Variants in CSMD1 observed in about 807,000 individuals in gnomAD.
CSMD1 encodes CUB and Sushi multiple domains 1.
In CSMD1, 213 loss-of-function variants were observed where a neutral mutation model predicts 417.5. That is an observed-to-expected ratio of 0.51 (90% CI 0.46 to 0.57). CSMD1 has a LOEUF of 0.57. CSMD1 is among the 20% of genes least tolerant of loss of function. The pLI, the probability that CSMD1 is intolerant of heterozygous loss-of-function variation, is 0.00. For synonymous variants in CSMD1, 2,862 were observed against 1,736.8 expected, an observed-to-expected ratio of 1.65 and a Z score of -16.11; for missense variants, 6,923 against 4,529.7, an observed-to-expected ratio of 1.53 and a Z score of -15.17.
At chr8:3,253,350 T>G (rs1173975267) in intron 26 of CSMD1, among the ~76,000 whole-genome samples, 1 of 152,238 alleles carries the variant, frequency 6.6e-6, no homozygotes, top group Non-Finnish European at 1.5e-5. Flanking sequence ...TGAGTGAGTT[T>G]CTTATTTCTG....
chr8:4,467,532 C>T (rs73514628), intron 2 of CSMD1, among the ~76,000 whole-genome samples: 1,660 of 152,238 alleles, frequency 0.011, 28 homozygotes, highest in African/African-American at 0.038. Context: ...TTTTTCTTTA[C>T]TTAGCACATT....
intron 1 of CSMD1, among the ~76,000 whole-genome samples, chr8:4,807,676 G>A (rs1798669787): frequency 6.6e-6 from 1 of 152,114 alleles, no homozygotes. Context: ...ACATACATGT[G>A]TAGATACACT....
Position 4,732,462 on chromosome 8 carries a change from G to T in CSMD1, c.86-94904C>A, listed in dbSNP as rs1438392256. Among the ~76,000 whole-genome samples the T allele has an allele frequency of 2.6e-5, 4 of 151,628 alleles. No homozygotes were observed. The East Asian group carries it at 5.9e-4, about 22-fold the overall frequency. ...CTCACTCACAAGTGCTTAAGAACAA[G>T]AATTACTTACAAGGGCTTCATTTTC... On this transcript the variant is annotated intron_variant, in intron 1 of 69. Transcript: ENST00000635120.
At chr8:4,738,672 T>TA (rs537691043) in intron 1 of CSMD1, among the ~76,000 whole-genome samples, 138 of 152,028 alleles carry the variant, frequency 9.1e-4, no homozygotes, top group African/African-American at 2.9e-3. Context: ...TTTGACAAAG[T>TA]AAAAAAAATC....
chr8:4,778,545 G>A (rs994439934), intron 1 of CSMD1, among the ~76,000 whole-genome samples: 2 of 152,166 alleles, frequency 1.3e-5, no homozygotes, highest in Admixed American at 6.5e-5. Flanking sequence ...TAACTTTATA[G>A]ATCAATACTT....
intron 3 of CSMD1, among the ~76,000 whole-genome samples, chr8:4,168,178 TAC>T (rs1563214741): frequency 7.3e-6 from 1 of 137,222 alleles, no homozygotes; most frequent in Non-Finnish European, 1.6e-5. Flanking sequence ...CACACACACA[TAC>T]ACACACACGT....
chr8:3,674,594 A>G (rs1585055692), intron 7 of CSMD1, among the ~76,000 whole-genome samples: 1 of 146,940 alleles, frequency 6.8e-6, no homozygotes, highest in Admixed American at 6.8e-5. Context: ...AAAATATATT[A>G]TAACTCCAGA....
At chr8:4,769,965 G>T (rs572139365) in intron 1 of CSMD1, among the ~76,000 whole-genome samples, 1 of 152,050 alleles carries the variant, frequency 6.6e-6, no homozygotes, top group South Asian at 2.1e-4. Flanking sequence ...ACTCTCAAAA[G>T]CAAAAGCTGG....
chr8:4,817,837 A>G (rs1799294374), intron 1 of CSMD1, among the ~76,000 whole-genome samples: 2 of 152,218 alleles, frequency 1.3e-5, no homozygotes, highest in South Asian at 4.1e-4. Context: ...CTACAGGATC[A>G]TTTGGTGAAA....
chr8:4,459,516 G>C (rs948686175), intron 2 of CSMD1, among the ~76,000 whole-genome samples: 5 of 152,180 alleles, frequency 3.3e-5, no homozygotes, highest in Admixed American at 6.5e-5. Flanking sequence ...AATGGAAATT[G>C]TGAGGATAAG....
At chr8:4,243,158 G>C (rs1388876602) in intron 3 of CSMD1, among the ~76,000 whole-genome samples, 3 of 152,024 alleles carry the variant, frequency 2.0e-5, no homozygotes, top group African/African-American at 7.2e-5. Flanking sequence ...AGAGGAGGGA[G>C]AGTGCTTGCA....
chr8:2,941,069 A>T (rs947465654), intron 69 of CSMD1, among the ~76,000 whole-genome samples: 3 of 152,382 alleles, frequency 2.0e-5, no homozygotes, highest in Non-Finnish European at 4.4e-5. Flanking sequence ...AAATTCAAGG[A>T]TAAGGCTCAT....
chr8:4,133,789 C>G (rs890873203), intron 3 of CSMD1, among the ~76,000 whole-genome samples: 2 of 152,062 alleles, frequency 1.3e-5, no homozygotes, highest in Non-Finnish European at 2.9e-5. Flanking sequence ...TATCCCTTAT[C>G]TATAGCCATG....
At chr8:3,439,281 G>GTATATATATATATATATATATATATA (rs1168340584) in intron 12 of CSMD1, among the ~76,000 whole-genome samples, 12 of 54,318 alleles carry the variant, frequency 2.2e-4, no homozygotes, top group East Asian at 1.7e-3. Flanking sequence ...GGCAATGTCA[G>GTATATATATATATATATATATATATA]TATATATATA....
intron 26 of CSMD1, among the ~76,000 whole-genome samples, chr8:3,272,949 C>G (rs1488482079): frequency 1.3e-5 from 2 of 149,744 alleles, no homozygotes; most frequent in African/African-American, 2.5e-5. Context: ...ATTGCCCTGG[C>G]CAGAACTTCC....
intron 12 of CSMD1, among the ~76,000 whole-genome samples, chr8:3,436,840 A>T (rs1814597545): frequency 1.3e-5 from 2 of 152,180 alleles, no homozygotes; most frequent in East Asian, 1.9e-4. Flanking sequence ...CAGTATGCTA[A>T]TATGTTATGA....
intron 7 of CSMD1, among the ~76,000 whole-genome samples, chr8:3,674,748 A>G (rs1277410032): frequency 6.6e-6 from 1 of 152,104 alleles, no homozygotes; most frequent in Non-Finnish European, 1.5e-5. Flanking sequence ...CTTCATCCCA[A>G]CTTCACTCTT....
At chr8:4,076,116 G>A (rs973313075) in intron 3 of CSMD1, among the ~76,000 whole-genome samples, 23 of 152,118 alleles carry the variant, frequency 1.5e-4, no homozygotes, top group Admixed American at 5.2e-4. Flanking sequence ...CACGTGTCAT[G>A]GGAGGGACCC....
intron 5 of CSMD1, among the ~76,000 whole-genome samples, chr8:3,969,555 C>T (rs1812934019): frequency 6.6e-6 from 1 of 152,116 alleles, no homozygotes; most frequent in African/African-American, 2.4e-5. Flanking sequence ...ATAAAATCCA[C>T]ATCAGAAAAT....
Sources: allele counts gnomAD v4.1 joint callset (sites outside exome capture counted in the v4.1 genomes callset), GRCh38; gene constraint gnomAD v4.1.1; transcripts MANE v1.5; gene names NCBI Gene and HGNC (gene_info 2026-07-23, HGNC 2026-07-21).